Variants in CNTN4 observed in about 807,000 individuals in gnomAD.
CNTN4 encodes the protein contactin-4.
CNTN4 carries 77 observed loss-of-function variants against 122.5 expected under a neutral mutation model. The ratio of observed to expected loss-of-function variants is 0.63; its 90% confidence interval spans 0.52 to 0.76. CNTN4 has a LOEUF of 0.76. Among genes scored for constraint, CNTN4 ranks in the 30% least tolerant of loss-of-function variants. The probability of loss-of-function intolerance (pLI) is 0.00; values close to 1 mark genes in which losing one functional copy is unlikely to be tolerated. For missense variants in CNTN4, 1,256 were observed against 1,259.1 expected (o/e 1.00, Z 0.04); for synonymous variants, 512 against 447.0 (o/e 1.15, Z -1.83).
At chr3:2,250,953 A>T (rs2040354761) in intron 2 of CNTN4, among the ~76,000 whole-genome samples, 1 of 151,874 alleles carries the variant, frequency 6.6e-6, no homozygotes, top group Non-Finnish European at 1.5e-5. Flanking sequence ...ACACCTGCAA[A>T]TTTTATGCAT....
At chr3:2,890,869 C>T (rs760404262) in intron 10 of CNTN4, among the ~76,000 whole-genome samples, 1 of 152,170 alleles carries the variant, frequency 6.6e-6, no homozygotes, top group Non-Finnish European at 1.5e-5. Flanking sequence ...CTACTTTTCT[C>T]AGTCTGTTTT....
chr3:2,120,366 TATATATAA>T (rs1303658116), intron 2 of CNTN4, among the ~76,000 whole-genome samples: 14 of 48,750 alleles, frequency 2.9e-4, no homozygotes, highest in African/African-American at 7.4e-4. Flanking sequence ...TATATATATA[TATATATAA>T]ATATATATAT....
Position 2,385,464 on chromosome 3 carries a change from G to C in CNTN4, c.-89+46231G>C, listed in dbSNP as rs548376026. ...GCAGATGCTTGTATTAGTTTCTTAGGACTGCCACAGCAAAGTACCATACAC... is the reference window on the plus strand; with the variant it reads ...GCAGATGCTTGTATTAGTTTCTTAGCACTGCCACAGCAAAGTACCATACAC... On this transcript the variant is annotated intron_variant, in intron 3 of 24. Coordinates refer to ENST00000418658, the MANE Select transcript of CNTN4 (RefSeq NM_175607.3). This position sits in a 1 kb window ranked among gnomAD's most constrained non-coding sequence, Gnocchi z 4.0. Among the ~76,000 whole-genome samples, 8 of 152,100 alleles carry C rather than the reference G, an allele frequency of 5.3e-5. No homozygotes were observed. In the South Asian group the frequency reaches 1.7e-3, roughly 32 times the overall value.
At chr3:2,407,016 T>A (rs1207456932) in intron 3 of CNTN4, among the ~76,000 whole-genome samples, 2 of 152,172 alleles carry the variant, frequency 1.3e-5, no homozygotes, top group African/African-American at 2.4e-5. Context: ...TTGCACTTAT[T>A]AGGATTTTTT....
At chr3:2,349,081 A>T (rs552916328) in intron 3 of CNTN4, among the ~76,000 whole-genome samples, 1 of 152,168 alleles carries the variant, frequency 6.6e-6, no homozygotes, top group Admixed American at 6.5e-5. Flanking sequence ...TAAAATTTAC[A>T]TTATTGCAAT....
intron 2 of CNTN4, among the ~76,000 whole-genome samples, chr3:2,298,175 T>G (rs74526449): frequency 0.022 from 3,398 of 152,306 alleles, 127 homozygotes; most frequent in African/African-American, 0.078. Context: ...CAAATCACCT[T>G]TAAAAATATA....
At chr3:2,535,288 A>G (rs1228439911) in intron 3 of CNTN4, among the ~76,000 whole-genome samples, 1 of 152,054 alleles carries the variant, frequency 6.6e-6, no homozygotes, top group African/African-American at 2.4e-5. Context: ...ATTCTTTCTA[A>G]AGCTATGACT....
chr3:2,729,815 G>A (rs766192322), intron 4 of CNTN4, among the ~76,000 whole-genome samples: 9 of 150,896 alleles, frequency 6.0e-5, no homozygotes, highest in Non-Finnish European at 7.4e-5. Flanking sequence ...TAAGAAGGCT[G>A]AGGCAGGAGA....
chr3:2,673,634 G>A (rs528277649), intron 4 of CNTN4, among the ~76,000 whole-genome samples: 5 of 152,164 alleles, frequency 3.3e-5, no homozygotes, highest in Non-Finnish European at 5.9e-5. Flanking sequence ...TGCACCTCAC[G>A]GGTTCACGCC....
chr3:2,904,656 C>T (rs984871169), intron 12 of CNTN4, among the ~76,000 whole-genome samples: 1 of 152,224 alleles, frequency 6.6e-6, no homozygotes, highest in African/African-American at 2.4e-5. Context: ...TGATTCCCTT[C>T]TGCCCGGATT....
At chr3:2,337,284 AT>A (rs1460144437) in intron 2 of CNTN4, among the ~76,000 whole-genome samples, 12 of 152,168 alleles carry the variant, frequency 7.9e-5, no homozygotes, top group African/African-American at 2.2e-4. Flanking sequence ...AAAGGAGTGA[AT>A]TTAATAATGT....
At chr3:2,798,783 T>G (rs1408686891) in intron 6 of CNTN4, among the ~76,000 whole-genome samples, 1 of 152,180 alleles carries the variant, frequency 6.6e-6, no homozygotes, top group Non-Finnish European at 1.5e-5. Flanking sequence ...ACTGCTGGGA[T>G]TACAGGTGTT....
intron 13 of CNTN4, among the ~76,000 whole-genome samples, chr3:2,937,692 C>G (rs961356595): frequency 6.6e-6 from 1 of 152,126 alleles, no homozygotes; most frequent in South Asian, 2.1e-4. Flanking sequence ...CAGTGAAGCA[C>G]AAATTAACAT....
chr3:2,571,482 C>T lies in CNTN4; in HGVS notation c.-22C>T. ...TCGCTTGTTATTGGACTTGAAACTC[C>T]CTTTGACCTCGGAAACTGAAGATGA... On this transcript the variant is annotated 5_prime_UTR_variant, in exon 4 of 25. Transcript: ENST00000418658. 1 of 1,600,954 alleles carries T rather than the reference C, an allele frequency of 6.2e-7. No homozygotes were observed. Among genetic ancestry groups the T allele is most frequent in the Non-Finnish European group, 8.6e-7 (1 of 1,168,000 alleles).
chr3:2,547,431 A>G (rs946849390), intron 3 of CNTN4, among the ~76,000 whole-genome samples: 1 of 151,888 alleles, frequency 6.6e-6, no homozygotes, highest in African/African-American at 2.4e-5. Context: ...ATGCCCAGCT[A>G]ATTTTTGTAT....
chr3:3,054,043 G>A, intron 24 of CNTN4, 68 bp downstream of exon 24: 1 of 1,508,794 alleles, frequency 6.6e-7, no homozygotes, highest in Non-Finnish European at 9.2e-7. Context: ...AGATGAGTCA[G>A]GGCTTGAAAG....
intron 14 of CNTN4, among the ~76,000 whole-genome samples, chr3:3,002,552 G>A (rs1283428865): frequency 6.6e-6 from 1 of 152,070 alleles, no homozygotes; most frequent in Non-Finnish European, 1.5e-5. Context: ...TGTGAATATG[G>A]GAATCATTGC....
At chr3:2,107,475 G>C (rs56296994) in intron 2 of CNTN4, among the ~76,000 whole-genome samples, 39,516 of 151,848 alleles carry the variant, frequency 0.26, 5,316 homozygotes, top group East Asian at 0.45. Context: ...CTTATAAAAC[G>C]ATCAGATCTC....
chr3:2,621,069 A>G (rs2081969888), intron 4 of CNTN4, among the ~76,000 whole-genome samples: 1 of 152,222 alleles, frequency 6.6e-6, no homozygotes, highest in Admixed American at 6.5e-5. Context: ...TACTTGCCTT[A>G]TAAGCTTGTC....
Sources: gnomAD v4.1 joint callset for allele counts (sites outside exome capture counted in the v4.1 genomes callset) on GRCh38, gnomAD v4.1.1 for gene constraint, Gnocchi (gnomAD v3.1) non-coding constraint, MANE v1.5 for transcripts, NCBI Gene and HGNC (gene_info 2026-07-23, HGNC 2026-07-21) for gene names.